Variants in ATP10B observed in about 807,000 individuals in gnomAD.
The protein encoded by ATP10B is ATPase phospholipid transporting 10B (putative), also known as phospholipid-transporting ATPase VB.
In ATP10B, 122 loss-of-function variants were observed where a neutral mutation model predicts 141.2. The ratio of observed to expected loss-of-function variants is 0.86; its 90% confidence interval spans 0.75 to 1.00. The LOEUF is 1.00. Ranked by LOEUF, ATP10B falls within the 50% of genes least tolerant of loss-of-function variation. ATP10B has a pLI of 0.00. For missense variants in ATP10B, 1,876 were observed against 1,825.3 expected, an observed-to-expected ratio of 1.03 and a Z score of -0.51; for synonymous variants, 685 against 692.0, an observed-to-expected ratio of 0.99 and a Z score of 0.16.
intron 2 of ATP10B, among the ~76,000 whole-genome samples, chr5:160,754,331 T>C (rs928070659): frequency 6.6e-6 from 1 of 152,196 alleles, no homozygotes; most frequent in Non-Finnish European, 1.5e-5. Flanking sequence ...TAAATCTGTC[T>C]TGGTGAATTG....
the ATP10B span, among the ~76,000 whole-genome samples, chr5:160,887,628 T>A: frequency 6.6e-6 from 1 of 152,190 alleles, no homozygotes; most frequent in African/African-American, 2.4e-5. Context: ...TCAACCTTGC[T>A]GTGTCTCCCC....
the ATP10B span, among the ~76,000 whole-genome samples, chr5:160,870,517 C>CA: frequency 6.6e-6 from 1 of 150,834 alleles, no homozygotes; most frequent in African/African-American, 2.4e-5. Context: ...CCTCCAAAAC[C>CA]AAAAAACAAA....
At chr5:160,730,929 G>T (rs76379490) in intron 2 of ATP10B, among the ~76,000 whole-genome samples, 11 of 152,166 alleles carry the variant, frequency 7.2e-5, no homozygotes, top group Admixed American at 5.9e-4. Context: ...TGCTGAGGCC[G>T]CTGGAGTTGT....
chr5:160,896,694 A>G, the ATP10B span, among the ~76,000 whole-genome samples: 3 of 152,212 alleles, frequency 2.0e-5, no homozygotes, highest in Admixed American at 1.3e-4. Flanking sequence ...AACTCATTTT[A>G]TGAGGCCAGT....
At chr5:160,769,872 T>C (rs1184590907) in intron 2 of ATP10B, among the ~76,000 whole-genome samples, 1 of 152,150 alleles carries the variant, frequency 6.6e-6, no homozygotes, top group African/African-American at 2.4e-5. Flanking sequence ...AAGTCAGACA[T>C]GCCCTAATGA....
rs1756144178 is a variant in ATP10B at position 160,589,635 on chromosome 5, A to G, written c.3707T>C (p.Leu1236Pro). The G allele has an allele frequency of 1.2e-6, 2 of 1,613,950 alleles. No homozygotes were observed. Among genetic ancestry groups the G allele is most frequent in the African/African-American group, 2.7e-5 (2 of 74,912 alleles). ...TGCCTGGTGCAAAAGGATTGTGGTG[A>G]GGGAGATGGTGTTGATTGGTGTCCC... ...TFGTPINTIS[L>P]TTILLHQAME... is the part of the protein sequence containing the mutation. Residue 1236 changes from leucine to proline, a missense_variant, in exon 24 of 26, where the codon CTC (leucine) becomes CCC (proline). Coordinates refer to ENST00000327245, the MANE Select transcript of ATP10B (RefSeq NM_025153.3).
chr5:160,779,448 A>G (rs750584574), intron 2 of ATP10B, among the ~76,000 whole-genome samples: 1 of 152,198 alleles, frequency 6.6e-6, no homozygotes, highest in Non-Finnish European at 1.5e-5. Context: ...CTTCTTGTGT[A>G]TATGCCCTAA....
chr5:160,781,044 A>T (rs1189826040), intron 2 of ATP10B, among the ~76,000 whole-genome samples: 1 of 152,164 alleles, frequency 6.6e-6, no homozygotes, highest in South Asian at 2.1e-4. Context: ...GTACAATAAT[A>T]GTGTGGGCTA....
chr5:160,716,883 A>G (rs892712817), intron 3 of ATP10B, 26 bp downstream of exon 3: 3 of 984,778 alleles, frequency 3.0e-6, no homozygotes, highest in Non-Finnish European at 3.6e-6. Context: ...AAGGAAAGAA[A>G]CGGGGAAGCA....
intron 18 of ATP10B, among the ~76,000 whole-genome samples, chr5:160,611,589 A>G (rs181903359): frequency 1.2e-3 from 174 of 150,840 alleles, no homozygotes; most frequent in African/African-American, 4.1e-3. Context: ...AATTCATCTA[A>G]AGGTCCTCTG....
chr5:160,846,254 A>G (rs1776109820), intron 1 of ATP10B, among the ~76,000 whole-genome samples: 1 of 152,146 alleles, frequency 6.6e-6, no homozygotes, highest in Non-Finnish European at 1.5e-5. Context: ...GTGCTCACTA[A>G]ACTTGCCGTG....
At chr5:160,595,031 C>G (rs1233573751) in intron 22 of ATP10B, among the ~76,000 whole-genome samples, 2 of 151,898 alleles carry the variant, frequency 1.3e-5, no homozygotes, top group Non-Finnish European at 2.9e-5. Flanking sequence ...CTCAGCTCTG[C>G]ACCAAGCAGA....
Position 160,785,799 on chromosome 5 carries a change from G to A in ATP10B, c.-571C>T. On this transcript the variant is annotated 5_prime_UTR_variant, in exon 2 of 26. Transcript: ENST00000327245. ...GTCGGTTCTGATTCTCTTGTCAAAG[G>A]AAGCCTGCACGACACAGGACAGAAA... The A allele has an allele frequency of 1.7e-6, 1 of 603,052 alleles. No homozygotes were observed. The highest frequency in any genetic ancestry group is 2.0e-5 in the South Asian group (1 of 50,796). 37.4% of individuals were successfully genotyped at this position (603,052 alleles called of 1,614,324 possible).
Position 160,771,328 on chromosome 5 carries a change from T to C in ATP10B, c.-331+14231A>G, listed in dbSNP as rs114348172. 5.9e-3 allele frequency among the ~76,000 whole-genome samples: 901 copies of C among 152,346 alleles called. 6 individuals carry two copies. The highest frequency in any genetic ancestry group is 9.1e-3 in the Non-Finnish European group (617 of 68,028). ...TTTGGGATTATTCCTAAATACTGTC[T>C]AATAATACAGCATCATTAGCATCTT... On this transcript the variant is annotated intron_variant, in intron 2 of 25. Coordinates refer to ENST00000327245, the MANE Select transcript of ATP10B (RefSeq NM_025153.3).
At chr5:160,911,598 C>T in the ATP10B span, among the ~76,000 whole-genome samples, 1 of 152,158 alleles carries the variant, frequency 6.6e-6, no homozygotes, top group African/African-American at 2.4e-5. Flanking sequence ...AAACTTTACC[C>T]CAAGCATGTG....
chr5:160,765,077 A>G (rs1769306613), intron 2 of ATP10B, among the ~76,000 whole-genome samples: 2 of 152,188 alleles, frequency 1.3e-5, no homozygotes, highest in African/African-American at 4.8e-5. Flanking sequence ...CATAGATGAC[A>G]CAAACAAATG....
At position 160,718,924 on chromosome 5, in the gene ATP10B, C is replaced by T. The variant is rs371125931; in HGVS notation, c.-330-1890G>A. ...CAGGGACTACGTCTGGTTCAAGATC[C>T]GCCACTGTCCCGGCACATAGCACAA... On this transcript the variant is annotated intron_variant, in intron 2 of 25. Transcript: ENST00000327245. 1.3e-4 allele frequency among the ~76,000 whole-genome samples: 20 copies of T among 152,240 alleles called. No individual in the cohort carries two copies. In the East Asian group the frequency reaches 2.1e-3, roughly 16 times the overall value.
chr5:160,777,679 T>A (rs1365522585), intron 2 of ATP10B, among the ~76,000 whole-genome samples: 1 of 152,190 alleles, frequency 6.6e-6, no homozygotes, highest in African/African-American at 2.4e-5. Flanking sequence ...TATGTGGTTT[T>A]TATATAATCA....
chr5:160,812,935 G>C (rs1457026930), intron 1 of ATP10B, among the ~76,000 whole-genome samples: 3 of 152,176 alleles, frequency 2.0e-5, no homozygotes, highest in Non-Finnish European at 4.4e-5. Flanking sequence ...TTAATCCAAA[G>C]AAGACTACCT....
Sources: allele counts gnomAD v4.1 joint callset (sites outside exome capture counted in the v4.1 genomes callset), GRCh38; gene constraint gnomAD v4.1.1; transcripts MANE v1.5; gene names NCBI Gene and HGNC (gene_info 2026-07-23, HGNC 2026-07-21).